Variants in FGF5 observed in about 807,000 individuals in gnomAD.
FGF5 encodes the protein fibroblast growth factor 5.
In FGF5, 23 loss-of-function variants were observed where a neutral mutation model predicts 21.8. The observed-to-expected ratio is 1.05, with a 90% CI of 0.76 to 1.49. FGF5 has a LOEUF of 1.49. FGF5 is among the 40% of genes most tolerant of loss of function. The probability of loss-of-function intolerance (pLI) is 0.00; values close to 1 mark genes in which losing one functional copy is unlikely to be tolerated. For missense variants in FGF5, 352 were observed against 332.9 expected, an observed-to-expected ratio of 1.06 and a Z score of -0.45; for synonymous variants, 158 against 124.0, an observed-to-expected ratio of 1.27 and a Z score of -1.82.
intron 1 of FGF5, 130 bp from the exon 2 acceptor site, chr4:80,274,779 G>T: frequency 1.8e-6 from 1 of 560,618 alleles, no homozygotes; most frequent in African/African-American, 2.0e-5. Context: ...GAACAATAAG[G>T]ATGTTAAATA....
At chr4:80,278,586 A>G (rs1720477479) in intron 2 of FGF5, among the ~76,000 whole-genome samples, 1 of 152,194 alleles carries the variant, frequency 6.6e-6, no homozygotes, top group South Asian at 2.1e-4. Flanking sequence ...TTACTGCCAT[A>G]GACACAAATA....
At chr4:80,285,079 C>A (rs1050823096) in intron 2 of FGF5, among the ~76,000 whole-genome samples, 1 of 152,118 alleles carries the variant, frequency 6.6e-6, no homozygotes, top group Non-Finnish European at 1.5e-5. Context: ...CCTTTGGATT[C>A]TCATAACAGC....
At chr4:80,267,733 G>GTAGATAGATAGATAGATAGATAGA (rs3839148) in intron 1 of FGF5, among the ~76,000 whole-genome samples, 5,345 of 151,036 alleles carry the variant, frequency 0.035, 114 homozygotes, top group African/African-American at 0.069. Flanking sequence ...ATACACATAG[G>GTAGATAGATAGATAGATAGATAGA]TAGATAGATA....
rs75591764 is a variant in FGF5, at chr4:80,288,754, C to T, written c.*2082C>T. The T allele has an allele frequency of 9.2e-5, 14 of 152,574 alleles. No individual in the cohort carries two copies. The highest frequency in any genetic ancestry group is 2.1e-4 in the South Asian group (1 of 4,816). The allele number at this position is 152,574 out of a possible 1,614,324, so 9.5% of individuals were successfully genotyped here. A position where few individuals can be genotyped will look rare whatever the true frequency, so the allele number is the denominator to read the frequency against. The stretch of plus-strand genomic sequence containing the variant: ...AATAATGATGGTCAACAATAAGCCA[C>T]GTCAATGCATAAGTTGTATAGGCTA... On this transcript the variant is annotated 3_prime_UTR_variant, in exon 3 of 3. Transcript: ENST00000312465.
rs1046389550 is a variant in FGF5, at chr4:80,266,902, C to G, written c.78C>G (p.Leu26=). The G allele has an allele frequency of 6.2e-7, 1 of 1,613,846 alleles. No individual in the cohort carries two copies. Among genetic ancestry groups the G allele is most frequent in the Non-Finnish European group, 8.5e-7 (1 of 1,179,868 alleles). The change falls in exon 1 of 3, where the codon CTC becomes CTG. Residue 26 remains leucine, a synonymous_variant. Transcript: ENST00000312465. ...CCTGGGCTCACGGGGAGAAGCGTCT[C>G]GCCCCCAAAGGGCAACCCGGACCCG... The part of the protein sequence containing the change: ...LSAWAHGEKR[L]APKGQPGPAA...
Position 80,288,887 on chromosome 4 carries a change from T to C in FGF5, c.*2215T>C, listed in dbSNP as rs1187517155. 6.6e-6 allele frequency: 1 copy of C among 152,552 alleles called. No homozygotes were observed. The highest frequency in any genetic ancestry group is 1.5e-5 in the Non-Finnish European group (1 of 68,030). 9.4% of individuals were successfully genotyped at this position (152,552 alleles called of 1,614,324 possible). A position where few individuals can be genotyped will look rare whatever the true frequency, so the allele number is the denominator to read the frequency against. On this transcript the variant is annotated 3_prime_UTR_variant, in exon 3 of 3. Coordinates refer to ENST00000312465, the MANE Select transcript of FGF5 (RefSeq NM_004464.4). ...GAAAGTAGGATAGCTACTAAATATA[T>C]ATTATGCAAGTCAGGAATCATTAAT...
chr4:80,266,653 C>G (rs10009362), upstream of FGF5: 1 of 599,174 alleles, frequency 1.7e-6, no homozygotes, highest in Non-Finnish European at 2.9e-6. Flanking sequence ...CCGGTGCCAG[C>G]GCGGAGATCC....
chr4:80,268,546 G>C (rs929954779), intron 1 of FGF5: 4 of 986,070 alleles, frequency 4.1e-6, no homozygotes, highest in Non-Finnish European at 4.8e-6. Context: ...GTCTCCAGAG[G>C]GGGGTCGGAG....
intron 2 of FGF5, among the ~76,000 whole-genome samples, chr4:80,276,263 T>C (rs1720407405): frequency 6.6e-6 from 1 of 151,948 alleles, no homozygotes; most frequent in Admixed American, 6.6e-5. Context: ...CTAAATATAA[T>C]AAATTACTAA....
rs1430611350 is a variant in FGF5, at chr4:80,290,849, C to G, written c.*4177C>G. 6.6e-6 allele frequency: 1 copy of G among 152,150 alleles called. No homozygotes were observed. The highest frequency in any genetic ancestry group is 1.5e-5 in the Non-Finnish European group (1 of 68,034). 9.4% of individuals were successfully genotyped at this position (152,150 alleles called of 1,614,324 possible). A position where few individuals can be genotyped will look rare whatever the true frequency, so the allele number is the denominator to read the frequency against. On this transcript the variant is annotated 3_prime_UTR_variant, in exon 3 of 3. Transcript: ENST00000312465. ...TGATGGTTTCCAGCTTCATCCATGT[C>G]CCTACAAAGAACATGAACTCATCAT...
chr4:80,279,868 G>T (rs1012502335), intron 2 of FGF5, among the ~76,000 whole-genome samples: 1 of 152,322 alleles, frequency 6.6e-6, no homozygotes, highest in African/African-American at 2.4e-5. Context: ...AAAGCTAATT[G>T]CAGACTTTAT....
intron 2 of FGF5, among the ~76,000 whole-genome samples, chr4:80,278,149 A>G: frequency 6.6e-6 from 1 of 152,142 alleles, no homozygotes; most frequent in African/African-American, 2.4e-5. Flanking sequence ...TTTGGAATCA[A>G]TTACATTGTT....
intron 1 of FGF5, among the ~76,000 whole-genome samples, chr4:80,267,628 C>A (rs1251614799): frequency 6.6e-6 from 1 of 152,142 alleles, no homozygotes; most frequent in Non-Finnish European, 1.5e-5. Context: ...AGAATCAAAT[C>A]CCAAATACTT....
In FGF5 at chr4:80,278,957, T is replaced by A. The variant is rs1029360790; in HGVS notation, c.459+3945T>A. On this transcript the variant is annotated intron_variant, in intron 2 of 2. Transcript: ENST00000312465. ...GCTACTCCAAGCCACAGCTGTGGCCTGTACTCTCTTTCTCAACACATTCCC... is the reference window on the plus strand; with the variant it reads ...GCTACTCCAAGCCACAGCTGTGGCCAGTACTCTCTTTCTCAACACATTCCC... 2.9e-4 allele frequency among the ~76,000 whole-genome samples: 44 copies of A among 152,200 alleles called. 1 individual carries two copies. Among genetic ancestry groups the A allele is most frequent in the Admixed American group, 2.7e-3 (41 of 15,278 alleles).
intron 2 of FGF5, among the ~76,000 whole-genome samples, chr4:80,276,448 A>G (rs1008750181): frequency 6.6e-6 from 1 of 152,072 alleles, no homozygotes; most frequent in Non-Finnish European, 1.5e-5. Flanking sequence ...TGTTTAAGGG[A>G]CAACATTCTG....
In FGF5 at chr4:80,289,570, C is replaced by T. The variant is rs1203335990; in HGVS notation, c.*2898C>T. The T allele has an allele frequency of 6.6e-6, 1 of 152,024 alleles. No homozygotes were observed. Among genetic ancestry groups the T allele is most frequent in the African/African-American group, 2.4e-5 (1 of 41,404 alleles). The allele number at this position is 152,024 out of a possible 1,614,324, so 9.4% of individuals were successfully genotyped here. A position where few individuals can be genotyped will look rare whatever the true frequency, so the allele number is the denominator to read the frequency against. Reference sequence around the variant, plus strand: ...TCTATAGGTGACAAACATCTCCAGACTAACATGTCAGTTTTATCAATTATA... The same window carrying T: ...TCTATAGGTGACAAACATCTCCAGATTAACATGTCAGTTTTATCAATTATA... On this transcript the variant is annotated 3_prime_UTR_variant, in exon 3 of 3. Coordinates refer to ENST00000312465, the MANE Select transcript of FGF5 (RefSeq NM_004464.4).
At chr4:80,285,718 A>G (rs1720692534) in intron 2 of FGF5, among the ~76,000 whole-genome samples, 1 of 152,154 alleles carries the variant, frequency 6.6e-6, no homozygotes, top group Non-Finnish European at 1.5e-5. Context: ...TCTTGGAGTT[A>G]GATATACTTT....
Position 80,290,904 on chromosome 4 carries a change from T to A in FGF5, c.*4232T>A, listed in dbSNP as rs1051278200. The A allele has an allele frequency of 1.3e-5, 2 of 152,198 alleles. No individual in the cohort carries two copies. The highest frequency in any genetic ancestry group is 2.9e-5 in the Non-Finnish European group (2 of 68,030). 9.4% of individuals were successfully genotyped at this position (152,198 alleles called of 1,614,324 possible). On this transcript the variant is annotated 3_prime_UTR_variant, in exon 3 of 3. Coordinates refer to ENST00000312465, the MANE Select transcript of FGF5 (RefSeq NM_004464.4). ...TATGGCTGCATAGTATTCCATGGTG[T>A]ATATGTGCCACATTTTCTTAATCCA... is the stretch of plus-strand genomic sequence containing the variant.
chr4:80,274,801 T>A lies in FGF5; in HGVS notation c.356-108T>A, dbSNP rs928050228. ...AAGGATGTTAAATACTAAGTTCTTT[T>A]TTAAAATCACAATAATAAAGAATGG... On this transcript the variant is annotated intron_variant, in intron 1 of 2. Transcript: ENST00000312465. The A allele has an allele frequency of 8.2e-6, 5 of 613,430 alleles. No homozygotes were observed. In the African/African-American group the frequency reaches 9.9e-5, roughly 12 times the overall value. 38.0% of individuals were successfully genotyped at this position (613,430 alleles called of 1,614,324 possible). A position where few individuals can be genotyped will look rare whatever the true frequency, so the allele number is the denominator to read the frequency against.
Sources: allele counts gnomAD v4.1 joint callset (sites outside exome capture counted in the v4.1 genomes callset), GRCh38; gene constraint gnomAD v4.1.1; transcripts MANE v1.5; gene names NCBI Gene and HGNC (gene_info 2026-07-23, HGNC 2026-07-21).